RAP1A: variants seen among roughly 807,000 people sequenced by gnomAD.
RAP1A encodes ras-related protein Rap-1A.
RAP1A carries 6 observed loss-of-function variants against 26.4 expected under a neutral mutation model. The ratio of observed to expected loss-of-function variants is 0.23; its 90% confidence interval spans 0.12 to 0.45. The LOEUF (loss-of-function observed/expected upper bound fraction) is 0.45, where lower values mean the gene tolerates loss of function less well. RAP1A is among the 20% of genes least tolerant of loss of function. The pLI, the probability that RAP1A is intolerant of heterozygous loss-of-function variation, is 0.99. For missense variants in RAP1A, 121 were observed against 217.2 expected, an observed-to-expected ratio of 0.56 and a Z score of 2.78; for synonymous variants, 73 against 79.4, an observed-to-expected ratio of 0.92 and a Z score of 0.43.
chr1:111,620,642 C>T (rs1257713409), intron 1 of RAP1A, among the ~76,000 whole-genome samples: 1 of 152,228 alleles, frequency 6.6e-6, no homozygotes, highest in African/African-American at 2.4e-5. Context: ...CCCTTTCCCG[C>T]CTTCTTTACC....
At chr1:111,595,275 G>T (rs1571488441) in intron 1 of RAP1A, among the ~76,000 whole-genome samples, 2 of 152,268 alleles carry the variant, frequency 1.3e-5, no homozygotes, top group East Asian at 3.9e-4. Context: ...CAACCTGAAG[G>T]CTGCAGGAGG....
chr1:111,597,515 A>G (rs984457530), intron 1 of RAP1A, among the ~76,000 whole-genome samples: 16 of 152,224 alleles, frequency 1.1e-4, no homozygotes, highest in African/African-American at 3.9e-4. Flanking sequence ...CCCATCTGCT[A>G]TATTTCTAGT....
intron 1 of RAP1A, among the ~76,000 whole-genome samples, chr1:111,677,327 A>G (rs1661160046): frequency 6.6e-6 from 1 of 152,194 alleles, no homozygotes; most frequent in Non-Finnish European, 1.5e-5. Context: ...TGAAGTTAAC[A>G]TTGTTTCTCA....
At position 111,598,276 on chromosome 1, in the gene RAP1A, C is replaced by T. The variant is rs756311949; in HGVS notation, c.-28+55767C>T. 6.3e-4 allele frequency among the ~76,000 whole-genome samples: 96 copies of T among 152,270 alleles called. 1 individual carries two copies. The highest frequency in any genetic ancestry group is 9.8e-4 in the Admixed American group (15 of 15,302). On this transcript the variant is annotated intron_variant, in intron 1 of 7. Coordinates refer to the RAP1A transcript ENST00000356415. ...GACAGGCAAAAGTCTTTTTTATATA[C>T]GTTAACAGATTTAAACTTTGTAACA...
intron 1 of RAP1A, among the ~76,000 whole-genome samples, chr1:111,577,939 T>G (rs778131391): frequency 5.3e-5 from 8 of 152,164 alleles, no homozygotes; most frequent in Non-Finnish European, 1.2e-4. Context: ...GTATGTCAAC[T>G]AAAAGACACA....
chr1:111,650,593 G>A (rs935158607), intron 1 of RAP1A: 5 of 152,126 alleles, frequency 3.3e-5, no homozygotes, highest in South Asian at 2.1e-4. Flanking sequence ...CAGATTTCTC[G>A]TATATCTTCT....
chr1:111,704,536 T>G (rs752048188), intron 6 of RAP1A, 50 bp downstream of exon 6: 1 of 1,520,132 alleles, frequency 6.6e-7, no homozygotes, highest in East Asian at 2.4e-5. Flanking sequence ...TTAGTTTGCT[T>G]TAAGTTAACA....
intron 1 of RAP1A, among the ~76,000 whole-genome samples, chr1:111,544,791 G>T: frequency 6.8e-6 from 1 of 147,524 alleles, no homozygotes; most frequent in Non-Finnish European, 1.5e-5. Context: ...CAATTTCTTG[G>T]GTATATCCAA....
chr1:111,630,296 A>G (rs1387816385), intron 1 of RAP1A, among the ~76,000 whole-genome samples: 1 of 152,186 alleles, frequency 6.6e-6, no homozygotes, highest in Admixed American at 6.5e-5. Flanking sequence ...TGAATCAGCA[A>G]TTTTGAATGC....
chr1:111,698,942 C>CTT lies in RAP1A; in HGVS notation c.183+1457_183+1458dup, dbSNP rs11454898. ...TAATAGCTAAAATGAATACTTTCTG[C>CTT]TTTTTTTTTTTTTAAATCACATCCA... On this transcript the variant is annotated intron_variant, in intron 4 of 7. Coordinates refer to ENST00000369709, the MANE Select transcript of RAP1A (RefSeq NM_002884.4). 2.4e-4 allele frequency among the ~76,000 whole-genome samples: 36 copies of CTT among 147,016 alleles called. 1 individual carries two copies. The highest frequency in any genetic ancestry group is 5.9e-4 in the East Asian group (3 of 5,052).
In RAP1A at chr1:111,574,744, T is replaced by C. The variant is rs1223038303; in HGVS notation, c.-28+32235T>C. 4.6e-5 allele frequency among the ~76,000 whole-genome samples: 7 copies of C among 152,222 alleles called. No individual in the cohort carries two copies. In the East Asian group the frequency reaches 1.3e-3, roughly 29 times the overall value. On this transcript the variant is annotated intron_variant, in intron 1 of 7. Transcript: ENST00000356415. ...ACAAACTAAGATGAGTCAGTAACTG[T>C]AGTAAATAGTTGGAACTGACCTGAA... is the stretch of plus-strand genomic sequence containing the variant.
chr1:111,621,018 T>C (rs533738191), intron 1 of RAP1A, among the ~76,000 whole-genome samples: 1 of 152,196 alleles, frequency 6.6e-6, no homozygotes, highest in African/African-American at 2.4e-5. Flanking sequence ...TTGTTACTTC[T>C]TTGAAGGGAG....
chr1:111,569,123 C>T (rs1362581149), intron 1 of RAP1A, among the ~76,000 whole-genome samples: 3 of 152,040 alleles, frequency 2.0e-5, no homozygotes, highest in Admixed American at 2.0e-4. Flanking sequence ...CACTTGGAGG[C>T]CGGGCATGGT....
intron 1 of RAP1A, among the ~76,000 whole-genome samples, chr1:111,688,321 TTC>T (rs869240902): frequency 9.8e-5 from 11 of 111,946 alleles, no homozygotes; most frequent in African/African-American, 1.5e-4. Flanking sequence ...TTTTCTTTCT[TTC>T]TTTTTTTTTT....
chr1:111,578,188 G>A (rs1318785349), intron 1 of RAP1A, among the ~76,000 whole-genome samples: 1 of 152,142 alleles, frequency 6.6e-6, no homozygotes, highest in Non-Finnish European at 1.5e-5. Context: ...TGTGTGTTGT[G>A]TGTGGGCACT....
In RAP1A at chr1:111,562,609, A is replaced by G. The variant is rs979960032; in HGVS notation, c.-28+20100A>G. On this transcript the variant is annotated intron_variant, in intron 1 of 7. Transcript: ENST00000356415. ...TGTGTCCCATAAACATCCCACCAAC[A>G]TTTCAGGACTAAAATTGCCAATATT... Among the ~76,000 whole-genome samples the G allele has an allele frequency of 7.2e-5, 11 of 152,202 alleles. No homozygotes were observed. The South Asian group carries it at 8.3e-4, about 11-fold the overall frequency.
At chr1:111,634,599 TTATA>T (rs141253898) in intron 1 of RAP1A, among the ~76,000 whole-genome samples, 16 of 149,762 alleles carry the variant, frequency 1.1e-4, no homozygotes, top group Non-Finnish European at 1.0e-4. Context: ...AACTTTACAT[TTATA>T]TATATATATG....
At chr1:111,560,337 C>T (rs996908902) in intron 1 of RAP1A, among the ~76,000 whole-genome samples, 1 of 151,870 alleles carries the variant, frequency 6.6e-6, no homozygotes, top group Non-Finnish European at 1.5e-5. Context: ...GTCCTGGTCT[C>T]ATTTATTGTT....
intron 1 of RAP1A, among the ~76,000 whole-genome samples, chr1:111,636,879 AT>A (rs1659744450): frequency 2.0e-5 from 3 of 152,152 alleles, no homozygotes; most frequent in Admixed American, 2.0e-4. Context: ...TCAGTACATA[AT>A]TTTTTAAATC....
Sources: allele counts gnomAD v4.1 joint callset (sites outside exome capture counted in the v4.1 genomes callset), GRCh38; gene constraint gnomAD v4.1.1; transcripts MANE v1.5; gene names NCBI Gene and HGNC (gene_info 2026-07-23, HGNC 2026-07-21).